Variants in RPS6KC1 observed in about 807,000 individuals in gnomAD.
The protein encoded by RPS6KC1 is inactive ribosomal protein S6 kinase delta-1.
In RPS6KC1, 54 loss-of-function variants were observed where a neutral mutation model predicts 103.8. The observed-to-expected ratio is 0.52, with a 90% confidence interval of 0.42 to 0.65. RPS6KC1 has a LOEUF of 0.65. Among genes scored for constraint, RPS6KC1 ranks in the 30% least tolerant of loss-of-function variants. RPS6KC1 has a pLI of 0.00. For missense variants in RPS6KC1, 1,151 were observed against 1,253.8 expected (o/e 0.92, Z 1.24); for synonymous variants, 439 against 438.7 (o/e 1.00, Z -0.01).
At chr1:213,621,409 A>T in the RPS6KC1 span, among the ~76,000 whole-genome samples, 1 of 103,218 alleles carries the variant, frequency 9.7e-6, no homozygotes, top group Non-Finnish European at 1.9e-5. Context: ...GGAAAGCAGG[A>T]GTTTGTGGGT....
chr1:213,282,163 GC>G, the RPS6KC1 span, among the ~76,000 whole-genome samples: 1 of 152,216 alleles, frequency 6.6e-6, no homozygotes, highest in South Asian at 2.1e-4. Context: ...ACTGATGGGG[GC>G]CCTGTCACAA....
the RPS6KC1 span, among the ~76,000 whole-genome samples, chr1:213,322,034 G>T: frequency 6.6e-6 from 1 of 152,188 alleles, no homozygotes; most frequent in East Asian, 1.9e-4. Context: ...GGCCCAGCAT[G>T]GTATCTCATG....
At chr1:213,788,166 T>A in the RPS6KC1 span, among the ~76,000 whole-genome samples, 1 of 152,168 alleles carries the variant, frequency 6.6e-6, no homozygotes, top group Non-Finnish European at 1.5e-5. Context: ...ATGAAGACAT[T>A]GCCTTGGCCC....
At chr1:213,284,447 A>ATGT in the RPS6KC1 span, among the ~76,000 whole-genome samples, 149,539 of 152,062 alleles carry the variant, frequency 0.98, 73,583 homozygotes, top group East Asian at 1. Context: ...AATGAGGTAG[A>ATGT]TGTGGTGAAC....
At chr1:213,104,671 A>C in intron 4 of RPS6KC1, 102 bp downstream of exon 4, 1 of 559,986 alleles carries the variant, frequency 1.8e-6, no homozygotes, top group South Asian at 2.7e-5. Context: ...GTTATTCACT[A>C]TAAAAGTAGA....
chr1:213,604,120 A>G, the RPS6KC1 span, among the ~76,000 whole-genome samples: 1 of 152,248 alleles, frequency 6.6e-6, no homozygotes, highest in South Asian at 2.1e-4. Flanking sequence ...AAAAAAGAAA[A>G]ATGACAATCA....
At chr1:213,586,591 TG>T in the RPS6KC1 span, among the ~76,000 whole-genome samples, 1 of 152,214 alleles carries the variant, frequency 6.6e-6, no homozygotes, top group Non-Finnish European at 1.5e-5. Flanking sequence ...ATTAGCAAAG[TG>T]AAGAAAGAGA....
At chr1:213,610,089 C>A in the RPS6KC1 span, among the ~76,000 whole-genome samples, 1 of 152,086 alleles carries the variant, frequency 6.6e-6, no homozygotes, top group African/African-American at 2.4e-5. Flanking sequence ...TTAAACCACG[C>A]CTTTGTTTAC....
chr1:213,734,557 C>T, the RPS6KC1 span, among the ~76,000 whole-genome samples: 1 of 152,180 alleles, frequency 6.6e-6, no homozygotes, highest in Non-Finnish European at 1.5e-5. Context: ...ATGACTTCTC[C>T]TCTTTATTAA....
chr1:213,849,329 G>A, the RPS6KC1 span, among the ~76,000 whole-genome samples: 2 of 152,146 alleles, frequency 1.3e-5, no homozygotes, highest in East Asian at 1.9e-4. Flanking sequence ...GCCCATAGGG[G>A]TGGAGCCTGG....
chr1:213,087,401 C>T (rs1323929782), intron 3 of RPS6KC1, among the ~76,000 whole-genome samples: 2 of 152,198 alleles, frequency 1.3e-5, no homozygotes, highest in African/African-American at 4.8e-5. Context: ...CCTGGAGTTC[C>T]TGGGGCTCTT....
chr1:213,347,836 A>G, the RPS6KC1 span, among the ~76,000 whole-genome samples: 1 of 152,224 alleles, frequency 6.6e-6, no homozygotes, highest in East Asian at 1.9e-4. Context: ...AAGAAGGCAG[A>G]CATGACGTAC....
chr1:213,764,398 C>T, the RPS6KC1 span, among the ~76,000 whole-genome samples: 2 of 152,134 alleles, frequency 1.3e-5, no homozygotes, highest in Non-Finnish European at 2.9e-5. Flanking sequence ...CTCCAGCACC[C>T]AAGGGCCCAG....
the RPS6KC1 span, among the ~76,000 whole-genome samples, chr1:213,633,091 C>T: frequency 3.3e-5 from 5 of 152,056 alleles, no homozygotes; most frequent in South Asian, 2.1e-4. Context: ...CTGAAAGTGA[C>T]GGGGAGAATG....
At chr1:213,796,025 G>A in the RPS6KC1 span, among the ~76,000 whole-genome samples, 1 of 152,164 alleles carries the variant, frequency 6.6e-6, no homozygotes, top group Non-Finnish European at 1.5e-5. Flanking sequence ...GTGAAAGAAG[G>A]TGTCTTCTAA....
At chr1:213,845,515 G>C in the RPS6KC1 span, among the ~76,000 whole-genome samples, 1 of 152,078 alleles carries the variant, frequency 6.6e-6, no homozygotes, top group Non-Finnish European at 1.5e-5. Flanking sequence ...ATTTGTCATT[G>C]GTTTAAGACC....
At chr1:213,697,223 T>C in the RPS6KC1 span, among the ~76,000 whole-genome samples, 1 of 152,224 alleles carries the variant, frequency 6.6e-6, no homozygotes, top group Non-Finnish European at 1.5e-5. Context: ...AACCTCCGTG[T>C]GTTCAACTGT....
chr1:213,745,097 G>A, the RPS6KC1 span, among the ~76,000 whole-genome samples: 5 of 152,326 alleles, frequency 3.3e-5, no homozygotes, highest in African/African-American at 9.6e-5. Flanking sequence ...TCTGGTGTTT[G>A]TAGCACTAAG....
At chr1:213,274,985 G>A (rs2095108511), downstream of RPS6KC1, among the ~76,000 whole-genome samples, 1 of 152,090 alleles carries the variant, frequency 6.6e-6, no homozygotes, top group Non-Finnish European at 1.5e-5. Context: ...CCAGCTCCTA[G>A]CAACCACTAT....
Sources: allele counts gnomAD v4.1 joint callset (sites outside exome capture counted in the v4.1 genomes callset), GRCh38; gene constraint gnomAD v4.1.1; transcripts MANE v1.5; gene names NCBI Gene and HGNC (gene_info 2026-07-23, HGNC 2026-07-21).